Variants in ARHGAP32 observed in about 807,000 individuals in gnomAD.
The protein encoded by ARHGAP32 is Rho GTPase activating protein 32, also known as rho GTPase-activating protein 32.
A neutral mutation model predicts 186.5 loss-of-function variants in ARHGAP32; 51 were observed. The observed-to-expected ratio is 0.27, with a 90% CI of 0.22 to 0.35. The LOEUF is 0.35. Among genes scored for constraint, ARHGAP32 ranks in the 10% least tolerant of loss-of-function variants. The pLI, the probability that ARHGAP32 is intolerant of heterozygous loss-of-function variation, is 1.00. For missense variants in ARHGAP32, 2,186 were observed against 2,623.5 expected (o/e 0.83, Z 3.64); for synonymous variants, 950 against 964.3 (o/e 0.99, Z 0.27).
intron 18 of ARHGAP32, among the ~76,000 whole-genome samples, chr11:128,979,240 A>C (rs1591492999): frequency 6.6e-6 from 1 of 152,352 alleles, no homozygotes; most frequent in East Asian, 1.9e-4. Flanking sequence ...TAAGTGTCCA[A>C]AAATAACACA....
chr11:129,209,668 CAA>C (rs35969101), intron 1 of ARHGAP32, among the ~76,000 whole-genome samples: 47 of 144,774 alleles, frequency 3.2e-4, no homozygotes, highest in Admixed American at 3.5e-4. Flanking sequence ...ACAAATTTTG[CAA>C]AAAAAAAAAA....
At chr11:129,173,985 A>G (rs1352522339) in intron 1 of ARHGAP32, among the ~76,000 whole-genome samples, 1 of 152,252 alleles carries the variant, frequency 6.6e-6, no homozygotes, top group Non-Finnish European at 1.5e-5. Flanking sequence ...TCCCAGCGTG[A>G]GCGACGCAGA....
chr11:129,248,407 T>C (rs1945133272), intron 1 of ARHGAP32, among the ~76,000 whole-genome samples: 1 of 152,124 alleles, frequency 6.6e-6, no homozygotes, highest in Non-Finnish European at 1.5e-5. Flanking sequence ...TCCCGTTATT[T>C]CGATTTAAAA....
chr11:129,241,151 A>G (rs939911282), intron 1 of ARHGAP32, among the ~76,000 whole-genome samples: 13 of 152,364 alleles, frequency 8.5e-5, no homozygotes, highest in East Asian at 1.9e-4. Flanking sequence ...TACAAAATGT[A>G]TATGTCAGTA....
Position 129,228,649 on chromosome 11 carries a change from C to G in ARHGAP32, c.-5+50497G>C, listed in dbSNP as rs564002322. On this transcript the variant is annotated intron_variant, in intron 1 of 6. Coordinates refer to the ARHGAP32 transcript ENST00000525234. ...ACATGTTCTCACTATTAAGTGGGAGCTGAATGATGACAACACATGGACACA... is the reference window on the plus strand; with the variant it reads ...ACATGTTCTCACTATTAAGTGGGAGGTGAATGATGACAACACATGGACACA... Among the ~76,000 whole-genome samples, 5 of 152,138 alleles carry G rather than the reference C, an allele frequency of 3.3e-5. No homozygotes were observed. The South Asian group carries it at 1.0e-3, about 32-fold the overall frequency.
At chr11:129,085,997 A>C (rs1460800652) in intron 6 of ARHGAP32, among the ~76,000 whole-genome samples, 1 of 148,872 alleles carries the variant, frequency 6.7e-6, no homozygotes, top group African/African-American at 2.5e-5. Flanking sequence ...CCATCTCAAA[A>C]AAACAAACAA....
chr11:129,171,948 C>T (rs752942145), intron 1 of ARHGAP32, among the ~76,000 whole-genome samples: 14 of 152,148 alleles, frequency 9.2e-5, no homozygotes, highest in Non-Finnish European at 1.6e-4. Context: ...AATGTGAGTT[C>T]ATTCATGATT....
At chr11:129,256,137 C>T (rs935092479) in intron 1 of ARHGAP32, among the ~76,000 whole-genome samples, 12 of 151,980 alleles carry the variant, frequency 7.9e-5, no homozygotes, top group Admixed American at 5.3e-4. Flanking sequence ...AAAAACAAAT[C>T]CATGCTGTTA....
chr11:129,205,950 ATGAACCAATAGG>A (rs1433320175), intron 1 of ARHGAP32, among the ~76,000 whole-genome samples: 7 of 152,122 alleles, frequency 4.6e-5, no homozygotes, highest in Admixed American at 1.3e-4. Flanking sequence ...TAATAGAATA[ATGAACCAATAGG>A]TATCTATTAC....
chr11:129,170,196 C>CT (rs1350108522), intron 1 of ARHGAP32, among the ~76,000 whole-genome samples: 1 of 139,852 alleles, frequency 7.2e-6, no homozygotes, highest in African/African-American at 2.7e-5. Context: ...TAATTTCTTT[C>CT]TTTTTAATTT....
Position 128,974,175 on chromosome 11 carries a change from ACTGATC to A in ARHGAP32, c.3016_3021del (p.Asp1006_Gln1007del). The A allele has an allele frequency of 6.2e-7, 1 of 1,614,206 alleles. No homozygotes were observed. Among genetic ancestry groups the A allele is most frequent in the Non-Finnish European group, 8.5e-7 (1 of 1,180,030 alleles). On this transcript the variant is annotated inframe_deletion, in exon 21 of 23. Coordinates refer to ENST00000682385, the MANE Select transcript of ARHGAP32 (RefSeq NM_001378024.1). ...GCCTTACTCTGACTGCTTGAGACAGACTGATCCTCTTTCCCTGGCAATTCTACTTCT... is the reference window on the plus strand; with the variant it reads ...GCCTTACTCTGACTGCTTGAGACAGACTCTTTCCCTGGCAATTCTACTTCT...
chr11:129,117,048 C>G (rs12802055), intron 5 of ARHGAP32, among the ~76,000 whole-genome samples: 1 of 151,782 alleles, frequency 6.6e-6, no homozygotes, highest in African/African-American at 2.4e-5. Flanking sequence ...GGTTACACTG[C>G]AGTATTATGT....
intron 6 of ARHGAP32, among the ~76,000 whole-genome samples, chr11:129,091,360 A>G (rs1481703417): frequency 6.6e-6 from 1 of 152,110 alleles, no homozygotes; most frequent in Non-Finnish European, 1.5e-5. Flanking sequence ...GACAGTTTAC[A>G]ATTCTGGGCT....
chr11:129,069,320 T>A (rs1940796040), intron 6 of ARHGAP32, among the ~76,000 whole-genome samples: 1 of 152,040 alleles, frequency 6.6e-6, no homozygotes, highest in South Asian at 2.1e-4. Context: ...ATCAAATAAA[T>A]CAATGTAAAG....
intron 2 of ARHGAP32, among the ~76,000 whole-genome samples, chr11:129,141,937 G>A (rs1237349031): frequency 6.6e-6 from 1 of 151,978 alleles, no homozygotes; most frequent in African/African-American, 2.4e-5. Context: ...GCAACCATTT[G>A]CAAATGTAAA....
intron 6 of ARHGAP32, among the ~76,000 whole-genome samples, chr11:129,092,320 A>C (rs898018542): frequency 9.9e-5 from 15 of 151,960 alleles, no homozygotes; most frequent in African/African-American, 3.1e-4. Flanking sequence ...CAGTGAGAAA[A>C]AAGAGATGCT....
intron 11 of ARHGAP32, among the ~76,000 whole-genome samples, chr11:129,012,621 C>T (rs1040712144): frequency 2.0e-5 from 3 of 147,242 alleles, no homozygotes; most frequent in African/African-American, 7.6e-5. Context: ...ACATCTGGGA[C>T]GATCCACACA....
intron 1 of ARHGAP32, among the ~76,000 whole-genome samples, chr11:129,249,548 A>G (rs563580835): frequency 4.3e-4 from 66 of 152,288 alleles, no homozygotes; most frequent in Non-Finnish European, 6.6e-4. Context: ...TTACACAATT[A>G]AAGCGGTTTC....
chr11:129,213,965 G>C (rs1049843582), intron 1 of ARHGAP32, among the ~76,000 whole-genome samples: 1 of 151,842 alleles, frequency 6.6e-6, no homozygotes. Flanking sequence ...ACCTCAAGTA[G>C]TAATTTTTAA....
Sources: allele counts gnomAD v4.1 joint callset (sites outside exome capture counted in the v4.1 genomes callset), GRCh38; gene constraint gnomAD v4.1.1; transcripts MANE v1.5; gene names NCBI Gene and HGNC (gene_info 2026-07-23, HGNC 2026-07-21).